SPAG16: variants seen among roughly 807,000 people sequenced by gnomAD.
SPAG16 encodes sperm associated antigen 16, also known as sperm-associated antigen 16 protein.
SPAG16 carries 86 observed loss-of-function variants against 80.4 expected under a neutral mutation model. The ratio of observed to expected loss-of-function variants is 1.07; its 90% CI spans 0.90 to 1.28. The LOEUF (loss-of-function observed/expected upper bound fraction) is 1.28. Among genes scored for constraint, SPAG16 ranks in the 50% most tolerant of loss-of-function variants. The probability of loss-of-function intolerance (pLI) is 0.00; values close to 1 mark genes in which losing one functional copy is unlikely to be tolerated. For missense variants in SPAG16, 870 were observed against 765.3 expected (o/e 1.14, Z -1.61); for synonymous variants, 294 against 265.9 (o/e 1.11, Z -1.03).
chr2:214,211,757 C>T (rs140961912), intron 15 of SPAG16, among the ~76,000 whole-genome samples: 1 of 152,244 alleles, frequency 6.6e-6, no homozygotes, highest in East Asian at 1.9e-4. Context: ...TTATCATGGC[C>T]AGCAAATTGT....
intron 8 of SPAG16, among the ~76,000 whole-genome samples, chr2:213,370,881 A>G (rs1037513159): frequency 6.6e-6 from 1 of 152,220 alleles, no homozygotes; most frequent in Admixed American, 6.5e-5. Context: ...AGAAATTCTG[A>G]CCCAACATGG....
chr2:214,020,066 A>G (rs1252865934), intron 13 of SPAG16, among the ~76,000 whole-genome samples: 5 of 152,166 alleles, frequency 3.3e-5, no homozygotes, highest in Non-Finnish European at 7.4e-5. Flanking sequence ...TACATAGCTT[A>G]CTGGAATCTG....
chr2:213,955,950 T>TTTTA (rs1380796959), intron 12 of SPAG16, among the ~76,000 whole-genome samples: 1 of 151,696 alleles, frequency 6.6e-6, no homozygotes, highest in East Asian at 1.9e-4. Flanking sequence ...AATTTTTGGT[T>TTTTA]TTTATTTATT....
At chr2:213,476,120 C>A (rs992563892) in intron 9 of SPAG16, among the ~76,000 whole-genome samples, 3 of 152,234 alleles carry the variant, frequency 2.0e-5, no homozygotes, top group African/African-American at 7.2e-5. Context: ...GCCAAGTATT[C>A]ATTCTACCCA....
chr2:213,991,609 T>A (rs1319490769), intron 12 of SPAG16, among the ~76,000 whole-genome samples: 1 of 152,162 alleles, frequency 6.6e-6, no homozygotes, highest in African/African-American at 2.4e-5. Context: ...TTCTACCTTG[T>A]CCTGATGCTC....
At chr2:213,923,908 G>GCAGC (rs140498537) in intron 11 of SPAG16, 2,008 of 152,448 alleles carry the variant, frequency 0.013, 15 homozygotes, top group Non-Finnish European at 0.021. Flanking sequence ...GGGGTCATGT[G>GCAGC]CAGCCTCCTG....
intron 15 of SPAG16, among the ~76,000 whole-genome samples, chr2:214,206,606 T>C (rs777311619): frequency 4.6e-5 from 7 of 152,192 alleles, no homozygotes; most frequent in Non-Finnish European, 7.4e-5. Flanking sequence ...CTCTTCAATA[T>C]ACATATTTCC....
chr2:213,763,938 G>T (rs914750348), intron 10 of SPAG16, among the ~76,000 whole-genome samples: 2 of 152,202 alleles, frequency 1.3e-5, no homozygotes, highest in African/African-American at 4.8e-5. Context: ...GGTTTGCACA[G>T]TTGGGCTTCA....
At chr2:213,434,435 A>G (rs940298911) in intron 9 of SPAG16, among the ~76,000 whole-genome samples, 1 of 152,236 alleles carries the variant, frequency 6.6e-6, no homozygotes. Context: ...TAAGACCTCA[A>G]TAGCACAAGT....
intron 8 of SPAG16, among the ~76,000 whole-genome samples, chr2:213,369,757 C>T (rs985239087): frequency 6.6e-6 from 1 of 152,028 alleles, no homozygotes; most frequent in Non-Finnish European, 1.5e-5. Context: ...AGGTTTATAG[C>T]AAAATTGAGT....
chr2:213,575,276 G>A (rs1011563014), intron 10 of SPAG16, among the ~76,000 whole-genome samples: 3 of 151,998 alleles, frequency 2.0e-5, no homozygotes, highest in African/African-American at 4.8e-5. Flanking sequence ...TATTACTTGC[G>A]AATTTTCATT....
chr2:213,357,054 T>C (rs1315350695), intron 7 of SPAG16, among the ~76,000 whole-genome samples: 8 of 152,114 alleles, frequency 5.3e-5, no homozygotes, highest in South Asian at 2.1e-4. Context: ...TGTAGTTGTG[T>C]GGTTTTGAGT....
chr2:213,296,073 T>A lies in SPAG16; in HGVS notation c.146T>A (p.Ile49Lys). The A allele has an allele frequency of 6.2e-7, 1 of 1,610,204 alleles. No individual in the cohort carries two copies. The highest frequency in any genetic ancestry group is 8.5e-7 in the Non-Finnish European group (1 of 1,177,042). Residue 49 changes from isoleucine (I) to lysine (K), a missense_variant, in exon 2 of 16, where the codon ATA becomes AAA. By Grantham distance (102) the Ile-to-Lys change is moderately radical (BLOSUM62 -3). Coordinates refer to ENST00000331683, the MANE Select transcript of SPAG16 (RefSeq NM_024532.5). ...TTGACAAGATATTCAGAGGTCACCATAACTGAAGCATCTGAAGATGACTAT... is the reference window on the plus strand; with the variant it reads ...TTGACAAGATATTCAGAGGTCACCAAAACTGAAGCATCTGAAGATGACTAT... Reference protein sequence around the residue: ...EGAYYLEQVTITEASEDDYEY... With the variant: ...EGAYYLEQVTKTEASEDDYEY...
chr2:214,324,778 A>G (rs1696354341), intron 15 of SPAG16, among the ~76,000 whole-genome samples: 2 of 151,458 alleles, frequency 1.3e-5, no homozygotes, highest in African/African-American at 4.9e-5. Flanking sequence ...TGGCTCATCT[A>G]TGCAGACGAC....
At chr2:213,882,912 TC>T (rs1371042929) in intron 11 of SPAG16, among the ~76,000 whole-genome samples, 8 of 152,188 alleles carry the variant, frequency 5.3e-5, no homozygotes. Flanking sequence ...GCTCCTCTTC[TC>T]CCAGGCTGGA....
chr2:213,938,511 T>A (rs948370554), intron 12 of SPAG16, among the ~76,000 whole-genome samples: 4 of 152,168 alleles, frequency 2.6e-5, no homozygotes, highest in Admixed American at 2.0e-4. Flanking sequence ...CTATCTTAAA[T>A]ATTTTAAATT....
At chr2:213,366,134 T>C (rs1275432909) in intron 8 of SPAG16, among the ~76,000 whole-genome samples, 1 of 111,492 alleles carries the variant, frequency 9.0e-6, no homozygotes, top group African/African-American at 3.7e-5. Flanking sequence ...AGAGCGAGAC[T>C]CCGTCTCAAA....
At chr2:213,563,272 A>G (rs766982697) in intron 10 of SPAG16, among the ~76,000 whole-genome samples, 5 of 152,052 alleles carry the variant, frequency 3.3e-5, no homozygotes, top group African/African-American at 9.7e-5. Context: ...CACATATGCC[A>G]TATATCTTCT....
chr2:213,414,293 A>G (rs1184911279), intron 9 of SPAG16, among the ~76,000 whole-genome samples: 2 of 152,152 alleles, frequency 1.3e-5, no homozygotes, highest in Non-Finnish European at 2.9e-5. Context: ...CTTGGAAACA[A>G]TTTTCAGTTT....
Sources: allele counts gnomAD v4.1 joint callset (sites outside exome capture counted in the v4.1 genomes callset), GRCh38; gene constraint gnomAD v4.1.1; transcripts MANE v1.5; gene names NCBI Gene and HGNC (gene_info 2026-07-23, HGNC 2026-07-21).